TRRAP: variants seen among roughly 807,000 people sequenced by gnomAD.
TRRAP encodes transformation/transcription domain-associated protein.
In TRRAP, 41 loss-of-function variants were observed where a neutral mutation model predicts 438.8. That is an observed-to-expected ratio of 0.09 (90% CI 0.07 to 0.12). The LOEUF (loss-of-function observed/expected upper bound fraction) is 0.12. TRRAP is among the 10% of genes least tolerant of loss of function. The pLI, the probability that TRRAP is intolerant of heterozygous loss-of-function variation, is 1.00. For synonymous variants in TRRAP, 1,994 were observed against 1,962.9 expected (o/e 1.02, Z -0.42); for missense variants, 3,122 against 5,055.1 (o/e 0.62, Z 11.60).
intron 18 of TRRAP, among the ~76,000 whole-genome samples, chr7:98,913,717 A>T (rs1245862072): frequency 1.3e-5 from 2 of 152,206 alleles, no homozygotes; most frequent in Admixed American, 6.5e-5. Flanking sequence ...CTTTATTAAG[A>T]ACATCTTAGA....
rs782357932 is a variant in TRRAP at position 98,956,121 on chromosome 7, C to T, written c.5938-25C>T. On this transcript the variant is annotated intron_variant, in intron 41 of 72. Transcript: ENST00000456197. This position sits in a 1 kb window ranked among gnomAD's most constrained non-coding sequence, Gnocchi z 4.5. ...GTGGGACCAAGCTCCCATGTTCCGG[C>T]GTGATGCTGGCCCTGCGTCCGCAGG... 61 of 1,598,366 alleles carry T rather than the reference C, an allele frequency of 3.8e-5. No homozygotes were observed. The highest frequency in any genetic ancestry group is 5.4e-5 in the African/African-American group (4 of 74,138).
intron 67 of TRRAP, among the ~76,000 whole-genome samples, chr7:98,997,868 A>G (rs541746697): frequency 1.8e-4 from 28 of 152,350 alleles, no homozygotes; most frequent in Non-Finnish European, 3.7e-4. Flanking sequence ...GCCTGAAACC[A>G]GTGGACCACA....
intron 41 of TRRAP, among the ~76,000 whole-genome samples, chr7:98,955,849 A>G (rs782344097): frequency 1.3e-5 from 2 of 151,584 alleles, no homozygotes; most frequent in Non-Finnish European, 2.9e-5. Flanking sequence ...GATACATGTG[A>G]TTAGACTCAC....
Position 98,981,913 on chromosome 7 carries a change from C to T in TRRAP, c.8779C>T (p.Arg2927Trp), listed in dbSNP as rs139373663. 3.0e-5 allele frequency: 49 copies of T among 1,608,670 alleles called. No homozygotes were observed. Among genetic ancestry groups the T allele is most frequent in the Non-Finnish European group, 3.8e-5 (45 of 1,178,698 alleles). Reference protein sequence around the residue: ...MASSLAIREWRRLPHVVSHVH... With the variant: ...MASSLAIREWWRLPHVVSHVH... ...CAGCAGCCTGGCCATCCGCGAGTGG[C>T]GGCGGCTGCCCCACGTAGTGTCCCA... The change falls in exon 59 of 73, where the codon CGG becomes TGG. Residue 2927 changes from arginine (R) to tryptophan (W), a missense_variant. Coordinates refer to ENST00000456197, the MANE Select transcript of TRRAP (RefSeq NM_001375524.1).
chr7:98,976,103 AC>A lies in TRRAP; in HGVS notation c.7840-41del. 1 of 1,606,978 alleles carries A rather than the reference AC, an allele frequency of 6.2e-7. No individual in the cohort carries two copies. ...TCTTCTGAGCGTGGTTGTGCGAGGC[AC>A]CCCCAGCCCGTGGCCATCTCAGCCT... On this transcript the variant is annotated intron_variant, in intron 53 of 72. Transcript: ENST00000456197. The surrounding 1 kb of genome is among the most constrained non-coding windows in gnomAD (Gnocchi z 4.6).
rs1791182918 is a variant in TRRAP, at chr7:98,948,404, T to A, written c.4668+64T>A. On this transcript the variant is annotated intron_variant, in intron 34 of 72. Transcript: ENST00000456197. This position sits in a 1 kb window ranked among gnomAD's most constrained non-coding sequence, Gnocchi z 4.9. The stretch of plus-strand genomic sequence containing the variant: ...CCTCCGGTGCTTATAGCGTCCTCAC[T>A]TGATCGTATTTTCAATGGACGGAAC... 2 of 1,611,390 alleles carry A rather than the reference T, an allele frequency of 1.2e-6. No homozygotes were observed. The highest frequency in any genetic ancestry group is 3.3e-5 in the Admixed American group (2 of 59,984).
At chr7:98,919,442 AAT>A (rs1383471777) in intron 20 of TRRAP, among the ~76,000 whole-genome samples, 1 of 152,184 alleles carries the variant, frequency 6.6e-6, no homozygotes, top group East Asian at 1.9e-4. Flanking sequence ...CTCTACTAAA[AAT>A]ACAGAAAATT....
Position 98,950,146 on chromosome 7 carries a change from A to G in TRRAP, c.5218A>G (p.Lys1740Glu). The G allele has an allele frequency of 6.2e-7, 1 of 1,614,234 alleles. No homozygotes were observed. The highest frequency in any genetic ancestry group is 8.5e-7 in the Non-Finnish European group (1 of 1,180,038). The stretch of plus-strand genomic sequence containing the variant: ...TTTTCTCTGCAACATGACATTCTTA[A>G]AAGAGTATATGGAGGAAGAGATTCC... ...GRFLCNMTFL[K>E]EYMEEEIPKN... is the part of the protein sequence containing the mutation. The change falls in exon 38 of 73, where the codon AAA becomes GAA. Residue 1740 changes from lysine to glutamate, a missense_variant. This residue lies in a region of TRRAP where 272 missense variants were observed against 348.5 expected (regional missense o/e 0.78). Coordinates refer to ENST00000456197, the MANE Select transcript of TRRAP (RefSeq NM_001375524.1).
intron 30 of TRRAP, among the ~76,000 whole-genome samples, chr7:98,939,180 G>C (rs1790684509): frequency 2.6e-5 from 4 of 152,156 alleles, no homozygotes; most frequent in Admixed American, 1.3e-4. Context: ...AGTAGCCTTT[G>C]ACCATTTGAC....
intron 44 of TRRAP, 50 bp from the exon 45 acceptor site, chr7:98,959,294 G>C: frequency 6.2e-7 from 1 of 1,600,398 alleles, no homozygotes; most frequent in South Asian, 1.1e-5. Context: ...TGGAATGACT[G>C]TAAACTCGGA....
At chr7:98,989,106 G>A (rs994024943) in intron 63 of TRRAP, 140 bp downstream of exon 63, 31 of 919,512 alleles carry the variant, frequency 3.4e-5, no homozygotes, top group Middle Eastern at 6.5e-4. Flanking sequence ...ATCACTGTTC[G>A]AAGTATCTTT....
intron 14 of TRRAP, 84 bp from the exon 15 acceptor site, chr7:98,909,972 C>CT: frequency 6.8e-7 from 1 of 1,475,278 alleles, no homozygotes; most frequent in Non-Finnish European, 9.0e-7. Context: ...TCAGTCCCAT[C>CT]TTATTTTACT....
At chr7:98,937,038 G>A (rs1042003052) in intron 28 of TRRAP, 118 bp from the exon 29 acceptor site, 56 of 1,294,266 alleles carry the variant, frequency 4.3e-5, no homozygotes, top group Non-Finnish European at 1.3e-5. Context: ...GATGAACCTG[G>A]GCAACATAGC....
chr7:98,916,548 C>T (rs1274098068), intron 19 of TRRAP, among the ~76,000 whole-genome samples: 3 of 152,164 alleles, frequency 2.0e-5, no homozygotes, highest in Non-Finnish European at 4.4e-5. Flanking sequence ...ACATAGGCTA[C>T]CCAGGAGGCA....
intron 63 of TRRAP, among the ~76,000 whole-genome samples, chr7:98,989,235 C>T (rs1454285396): frequency 3.3e-5 from 5 of 152,228 alleles, no homozygotes; most frequent in Non-Finnish European, 5.9e-5. Context: ...GGAGCTCACA[C>T]GAAACAGAGG....
chr7:98,995,652 C>G (rs113066890), intron 67 of TRRAP, among the ~76,000 whole-genome samples: 1 of 150,762 alleles, frequency 6.6e-6, no homozygotes, highest in East Asian at 2.0e-4. Context: ...CAGTATCCCC[C>G]CCCCACCATC....
chr7:98,911,928 G>C (rs1789296153), intron 17 of TRRAP, 94 bp from the exon 18 acceptor site: 1 of 1,142,558 alleles, frequency 8.8e-7, no homozygotes, highest in African/African-American at 1.6e-5. Flanking sequence ...TGTGATACAG[G>C]CTTGGTTTTA....
intron 47 of TRRAP, among the ~76,000 whole-genome samples, chr7:98,964,211 G>A (rs927432438): frequency 1.3e-5 from 2 of 152,060 alleles, no homozygotes; most frequent in Admixed American, 6.5e-5. Flanking sequence ...ATTGATCTTA[G>A]GCTGTTTCTC....
chr7:98,901,343 A>G (rs1554406656), intron 11 of TRRAP, among the ~76,000 whole-genome samples: 2 of 152,138 alleles, frequency 1.3e-5, no homozygotes, highest in Admixed American at 6.5e-5. Flanking sequence ...GTATGACCTC[A>G]CTGAACTTTC....
Sources: allele counts gnomAD v4.1 joint callset (sites outside exome capture counted in the v4.1 genomes callset), GRCh38; gene constraint gnomAD v4.1.1; regional missense constraint gnomAD v4.1.1; non-coding constraint Gnocchi (gnomAD v3.1); transcripts MANE v1.5; gene names NCBI Gene and HGNC (gene_info 2026-07-23, HGNC 2026-07-21).